Variants in COL21A1 observed in about 807,000 individuals in gnomAD.
The protein encoded by COL21A1 is collagen alpha-1(XXI) chain.
In COL21A1, 149 loss-of-function variants were observed where a neutral mutation model predicts 137.9. The observed-to-expected ratio is 1.08, with a 90% confidence interval of 0.95 to 1.24. The LOEUF (loss-of-function observed/expected upper bound fraction) is 1.24. Ranked by LOEUF, COL21A1 falls within the 50% of genes most tolerant of loss-of-function variation. The probability of loss-of-function intolerance (pLI) is 0.00; values close to 1 mark genes in which losing one functional copy is unlikely to be tolerated. For synonymous variants in COL21A1, 456 were observed against 391.5 expected (o/e 1.16, Z -1.95); for missense variants, 1,167 against 1,158.4 (o/e 1.01, Z -0.11).
intron 1 of COL21A1, among the ~76,000 whole-genome samples, chr6:56,269,516 G>A (rs867562790): frequency 1.4e-4 from 21 of 151,128 alleles, no homozygotes; most frequent in African/African-American, 4.3e-4. Context: ...TTAGCCGGGC[G>A]TAGTGGCGGG....
At chr6:56,147,760 C>T (rs10484705) in intron 10 of COL21A1, among the ~76,000 whole-genome samples, 10,951 of 152,000 alleles carry the variant, frequency 0.072, 437 homozygotes, top group Middle Eastern at 0.12. Context: ...AATCTACATA[C>T]GACTTTCACA....
intron 1 of COL21A1, among the ~76,000 whole-genome samples, chr6:56,236,892 A>T (rs1781939365): frequency 6.6e-6 from 1 of 152,014 alleles, no homozygotes; most frequent in African/African-American, 2.4e-5. Flanking sequence ...AAGTGATGAA[A>T]TATACAGTAA....
intron 16 of COL21A1, among the ~76,000 whole-genome samples, chr6:56,123,660 G>T (rs938622800): frequency 1.3e-5 from 2 of 152,084 alleles, no homozygotes; most frequent in African/African-American, 4.8e-5. Flanking sequence ...TTGACACTTT[G>T]CAGTTCCCCA....
intron 9 of COL21A1, among the ~76,000 whole-genome samples, chr6:56,163,933 G>T (rs548893773): frequency 6.6e-6 from 1 of 152,132 alleles, no homozygotes; most frequent in South Asian, 2.1e-4. Flanking sequence ...AAAAGTACAT[G>T]ATTAAGTGAA....
chr6:56,346,593 T>G (rs9464380), intron 1 of COL21A1, among the ~76,000 whole-genome samples: 24,877 of 152,164 alleles, frequency 0.16, 2,173 homozygotes, highest in Non-Finnish European at 0.18. Context: ...GAAGCATAGC[T>G]TTCTTTATTA....
chr6:56,135,011 A>G (rs796441301), intron 12 of COL21A1, among the ~76,000 whole-genome samples: 5 of 152,300 alleles, frequency 3.3e-5, no homozygotes, highest in African/African-American at 1.2e-4. Context: ...CCAAAAACCA[A>G]AAATTAAAGG....
At chr6:56,228,379 C>G (rs2152316523) in intron 1 of COL21A1, among the ~76,000 whole-genome samples, 1 of 151,826 alleles carries the variant, frequency 6.6e-6, no homozygotes. Flanking sequence ...GGTCCTATGA[C>G]TGTTTGATTG....
chr6:56,105,207 C>G (rs1770780491), intron 16 of COL21A1, among the ~76,000 whole-genome samples: 1 of 152,170 alleles, frequency 6.6e-6, no homozygotes, highest in Non-Finnish European at 1.5e-5. Context: ...GCATGTTTAA[C>G]TAAATCCCGT....
At chr6:56,064,666 C>T (rs555537842) in intron 23 of COL21A1, 44 bp from the exon 24 acceptor site, 31 of 1,344,538 alleles carry the variant, frequency 2.3e-5, no homozygotes, top group South Asian at 5.2e-5. Flanking sequence ...TGCACACTTA[C>T]GATGCAATCA....
chr6:56,171,088 A>T lies in COL21A1; in HGVS notation c.681T>A (p.Asp227Glu). 6.2e-7 allele frequency: 1 copy of T among 1,607,902 alleles called. No homozygotes were observed. The highest frequency in any genetic ancestry group is 8.5e-7 in the Non-Finnish European group (1 of 1,177,712). The change falls in exon 4 of 30, where the codon GAT becomes GAA. Residue 227 changes from aspartate to glutamate, a missense_variant. Transcript: ENST00000244728. ...CPTRIPVAAR[D>E]ERGFDILLGL... is the part of the protein sequence containing the mutation. ...CTAAAAGAATATCAAATCCCCTTTC[A>T]TCACGAGCTGCCACTGGAATTCGTG...
At chr6:56,191,149 G>A (rs1778645677) in intron 1 of COL21A1, among the ~76,000 whole-genome samples, 1 of 152,148 alleles carries the variant, frequency 6.6e-6, no homozygotes, top group African/African-American at 2.4e-5. Context: ...CAAATAGGAA[G>A]AGAGGAAGTC....
intron 1 of COL21A1, among the ~76,000 whole-genome samples, chr6:56,381,575 A>C (rs1344584902): frequency 6.6e-6 from 1 of 152,260 alleles, no homozygotes; most frequent in Non-Finnish European, 1.5e-5. Flanking sequence ...AGCTTTCACT[A>C]TTCCTGTTAC....
At chr6:56,167,125 T>C (rs566238849) in intron 6 of COL21A1, 142 bp from the exon 7 acceptor site, 58 of 638,168 alleles carry the variant, frequency 9.1e-5, no homozygotes, top group African/African-American at 6.0e-4. Context: ...ACAATGAAAA[T>C]ACAAAATTTT....
intron 1 of COL21A1, among the ~76,000 whole-genome samples, chr6:56,309,328 G>A (rs182997318): frequency 8.3e-4 from 126 of 152,222 alleles, no homozygotes; most frequent in Non-Finnish European, 1.6e-3. Context: ...ATGAGCCACC[G>A]TGCCCGGCCA....
rs538825017 is a variant in COL21A1, at chr6:56,287,610, C to T, written c.-38-104954G>A. On this transcript the variant is annotated intron_variant, in intron 1 of 28. Coordinates refer to the COL21A1 transcript ENST00000370819. ...TACCATGATTGTAAGTTTCCTGAGG[C>T]CTCCCCAGCCATGCTTCCTGTACAG... 3.3e-5 allele frequency among the ~76,000 whole-genome samples: 5 copies of T among 152,158 alleles called. No individual in the cohort carries two copies. The South Asian group carries it at 8.3e-4, about 25-fold the overall frequency.
intron 16 of COL21A1, among the ~76,000 whole-genome samples, chr6:56,107,037 T>G (rs1770995320): frequency 6.6e-6 from 1 of 152,126 alleles, no homozygotes; most frequent in Non-Finnish European, 1.5e-5. Flanking sequence ...TCCACCCACC[T>G]CGGCCTCCGA....
At chr6:56,283,300 T>C (rs925604474) in intron 1 of COL21A1, among the ~76,000 whole-genome samples, 1 of 151,934 alleles carries the variant, frequency 6.6e-6, no homozygotes, top group Non-Finnish European at 1.5e-5. Context: ...TGTATTAGAA[T>C]AATATATAGT....
chr6:56,227,575 T>A (rs1199828963), intron 1 of COL21A1, among the ~76,000 whole-genome samples: 1 of 152,024 alleles, frequency 6.6e-6, no homozygotes, highest in Non-Finnish European at 1.5e-5. Flanking sequence ...TGAAGCTTGG[T>A]TGTTTAGATT....
At chr6:56,206,385 A>G (rs1779782930) in intron 1 of COL21A1, among the ~76,000 whole-genome samples, 1 of 151,954 alleles carries the variant, frequency 6.6e-6, no homozygotes, top group Non-Finnish European at 1.5e-5. Context: ...AGATCAAAAG[A>G]GACAAAGAAG....
Sources: allele counts gnomAD v4.1 joint callset (sites outside exome capture counted in the v4.1 genomes callset), GRCh38; gene constraint gnomAD v4.1.1; transcripts MANE v1.5; gene names NCBI Gene and HGNC (gene_info 2026-07-23, HGNC 2026-07-21).